Variants in LARP4B observed in about 807,000 individuals in gnomAD.
The protein encoded by LARP4B is La ribonucleoprotein 4B, also known as la-related protein 4B.
In LARP4B, 12 loss-of-function variants were observed where a neutral mutation model predicts 89.8. The observed-to-expected ratio is 0.13, with a 90% CI of 0.09 to 0.22. LARP4B has a LOEUF of 0.22. Among genes scored for constraint, LARP4B ranks in the 10% least tolerant of loss-of-function variants. The pLI, the probability that LARP4B is intolerant of heterozygous loss-of-function variation, is 1.00. For synonymous variants in LARP4B, 367 were observed against 363.3 expected, an observed-to-expected ratio of 1.01 and a Z score of -0.12; for missense variants, 757 against 947.7, an observed-to-expected ratio of 0.80 and a Z score of 2.64.
chr10:924,674 G>GCT (rs924704174), intron 1 of LARP4B, among the ~76,000 whole-genome samples: 3 of 152,292 alleles, frequency 2.0e-5, no homozygotes, highest in East Asian at 1.9e-4. Context: ...AATTCTCTCT[G>GCT]CTGACCTCTC....
chr10:917,734 C>A (rs1836863261), intron 1 of LARP4B, among the ~76,000 whole-genome samples: 1 of 152,236 alleles, frequency 6.6e-6, no homozygotes, highest in African/African-American at 2.4e-5. Flanking sequence ...GGCTTCCTAG[C>A]CTTGAGGCTT....
At chr10:910,010 C>T (rs532723608) in intron 1 of LARP4B, among the ~76,000 whole-genome samples, 10 of 152,192 alleles carry the variant, frequency 6.6e-5, no homozygotes, top group South Asian at 4.2e-4. Flanking sequence ...TATGCAGGCC[C>T]AGAGAGCCGT....
At chr10:940,706 G>T in the LARP4B span, among the ~76,000 whole-genome samples, 6 of 152,268 alleles carry the variant, frequency 3.9e-5, no homozygotes. Context: ...GAACCATTTG[G>T]ACCAGAAGGC....
At chr10:935,250 C>T (rs1830734978), upstream of LARP4B, among the ~76,000 whole-genome samples, 1 of 152,152 alleles carries the variant, frequency 6.6e-6, no homozygotes, top group Non-Finnish European at 1.5e-5. Flanking sequence ...GTGGACAGTC[C>T]TATACAAAGA....
chr10:832,830 C>G (rs1407669586), intron 8 of LARP4B, among the ~76,000 whole-genome samples: 1 of 152,178 alleles, frequency 6.6e-6, no homozygotes, highest in Admixed American at 6.5e-5. Context: ...AATGTCCAGG[C>G]AGAAGGAAAG....
chr10:911,076 C>CTT (rs896559178), intron 1 of LARP4B, among the ~76,000 whole-genome samples: 3 of 152,166 alleles, frequency 2.0e-5, no homozygotes, highest in African/African-American at 7.2e-5. Context: ...GATGTGTGTG[C>CTT]ACTTAGGGGG....
At chr10:862,496 T>C (rs1564414019) in intron 5 of LARP4B, among the ~76,000 whole-genome samples, 1 of 151,968 alleles carries the variant, frequency 6.6e-6, no homozygotes, top group African/African-American at 2.4e-5. Context: ...TAAGAACAAT[T>C]GTGGTAATAA....
At chr10:825,670 G>A (rs543505543) in intron 12 of LARP4B, 94 bp downstream of exon 12, 24 of 797,466 alleles carry the variant, frequency 3.0e-5, no homozygotes, top group African/African-American at 2.8e-4. Flanking sequence ...CTCTGTCTGC[G>A]AGGAGCAGGA....
intron 1 of LARP4B, among the ~76,000 whole-genome samples, chr10:904,897 C>T (rs1836447159): frequency 6.6e-6 from 1 of 152,232 alleles, no homozygotes; most frequent in Non-Finnish European, 1.5e-5. Context: ...ATTAAGCAAC[C>T]AGACTGTCCA....
At chr10:844,946 C>G in intron 6 of LARP4B, 31 bp downstream of exon 6, 1 of 1,508,688 alleles carries the variant, frequency 6.6e-7, no homozygotes, top group Non-Finnish European at 9.1e-7. Context: ...CTAGAAATAT[C>G]AGGTACTAGA....
intron 1 of LARP4B, among the ~76,000 whole-genome samples, chr10:912,515 T>C (rs982780875): frequency 2.0e-5 from 3 of 151,980 alleles, no homozygotes; most frequent in African/African-American, 7.2e-5. Context: ...TTAAAGTCAG[T>C]AATCTAACCA....
chr10:825,634 A>G (rs1217766581), intron 12 of LARP4B, 130 bp downstream of exon 12: 7 of 666,986 alleles, frequency 1.0e-5, no homozygotes, highest in Non-Finnish European at 1.8e-5. Context: ...TAGTCTTTAC[A>G]GAATGCAGCT....
In LARP4B at chr10:919,783, C is replaced by T. The variant is rs573247426; in HGVS notation, c.-40+11645G>A. Among the ~76,000 whole-genome samples, 7 of 152,262 alleles carry T rather than the reference C, an allele frequency of 4.6e-5. No homozygotes were observed. The South Asian group carries it at 6.2e-4, about 14-fold the overall frequency. On this transcript the variant is annotated intron_variant, in intron 1 of 17. Transcript: ENST00000316157. ...CAGACTCCTGTGTTAACAGCGTGGA[C>T]GTTAAAATGAACAACTCTCCCTGAA...
At chr10:824,707 G>C (rs527433412) in intron 13 of LARP4B, among the ~76,000 whole-genome samples, 1 of 152,368 alleles carries the variant, frequency 6.6e-6, no homozygotes, top group African/African-American at 2.4e-5. Context: ...CCCAGCTGGA[G>C]GGCGCCAGGC....
chr10:878,922 A>T (rs1835565067), intron 3 of LARP4B, among the ~76,000 whole-genome samples: 1 of 152,198 alleles, frequency 6.6e-6, no homozygotes. Flanking sequence ...AAAATTACTA[A>T]TTTTTTTAAA....
In LARP4B at chr10:839,944, A is replaced by C. The variant is rs112705658; in HGVS notation, c.646+2988T>G. On this transcript the variant is annotated intron_variant, in intron 7 of 17. Coordinates refer to ENST00000316157, the MANE Select transcript of LARP4B (RefSeq NM_015155.3). ...CAACTGGGAATACCCATTTGAGAGA[A>C]TACTTCCCAGCAAAAAGAAGCAATC... Among the ~76,000 whole-genome samples the C allele has an allele frequency of 9.4e-3, 1,434 of 152,374 alleles. 10 individuals carry two copies. Among genetic ancestry groups the C allele is most frequent in the Non-Finnish European group, 0.016 (1,065 of 68,046 alleles).
At chr10:923,847 CAG>C (rs1219423843) in intron 1 of LARP4B, among the ~76,000 whole-genome samples, 1 of 152,102 alleles carries the variant, frequency 6.6e-6, no homozygotes, top group Non-Finnish European at 1.5e-5. Flanking sequence ...TCTCATTTTT[CAG>C]AGACACTCCT....
In LARP4B at chr10:921,829, G is replaced by A. The variant is rs117560222; in HGVS notation, c.-40+9599C>T. On this transcript the variant is annotated intron_variant, in intron 1 of 17. Coordinates refer to ENST00000316157, the MANE Select transcript of LARP4B (RefSeq NM_015155.3). ...AGCAGAAGAGATTAAATTCATCGGT[G>A]TGTACAAAGAAATGGGAAGAGCAGG... 1.8e-4 allele frequency among the ~76,000 whole-genome samples: 27 copies of A among 152,302 alleles called. No individual in the cohort carries two copies. In the East Asian group the frequency reaches 4.2e-3, roughly 24 times the overall value.
chr10:885,574 C>T, intron 2 of LARP4B, 67 bp downstream of exon 2: 1 of 1,166,654 alleles, frequency 8.6e-7, no homozygotes, highest in Non-Finnish European at 1.3e-6. Flanking sequence ...TCCTTACTAA[C>T]TCCAATATAG....
Sources: gnomAD v4.1 joint callset for allele counts (sites outside exome capture counted in the v4.1 genomes callset) on GRCh38, gnomAD v4.1.1 for gene constraint, MANE v1.5 for transcripts, NCBI Gene and HGNC (gene_info 2026-07-23, HGNC 2026-07-21) for gene names.